Variants in RPS6KB1 observed in about 807,000 individuals in gnomAD.
RPS6KB1 encodes ribosomal protein S6 kinase beta-1.
Under a neutral mutation model 70.2 loss-of-function variants are expected in RPS6KB1, and 12 were observed. That is an observed-to-expected ratio of 0.17 (90% CI 0.11 to 0.28). RPS6KB1 has a LOEUF of 0.28. Among genes scored for constraint, RPS6KB1 ranks in the 10% least tolerant of loss-of-function variants. RPS6KB1 has a pLI of 1.00. For missense variants in RPS6KB1, 270 were observed against 646.6 expected, an observed-to-expected ratio of 0.42 and a Z score of 6.32; for synonymous variants, 175 against 211.2, an observed-to-expected ratio of 0.83 and a Z score of 1.49.
chr17:59,896,201 T>C (rs186929050), intron 1 of RPS6KB1, among the ~76,000 whole-genome samples: 2 of 152,186 alleles, frequency 1.3e-5, no homozygotes, highest in East Asian at 3.9e-4. Context: ...TTTATTTTTT[T>C]TTCTTTTCTG....
At chr17:59,926,697 T>C (rs1482553528) in intron 5 of RPS6KB1, 115 bp downstream of exon 5, 3 of 839,698 alleles carry the variant, frequency 3.6e-6, no homozygotes, top group Non-Finnish European at 5.7e-6. Flanking sequence ...TGCTTAAAAT[T>C]GATGAGTACA....
chr17:59,908,358 A>G (rs534397588), intron 1 of RPS6KB1, among the ~76,000 whole-genome samples: 2 of 151,496 alleles, frequency 1.3e-5, no homozygotes, highest in East Asian at 2.0e-4. Flanking sequence ...ACGCCTGGCT[A>G]ATTTTTGTAT....
rs1241617521 is a variant in RPS6KB1 at position 59,940,907 on chromosome 17, C to T, written c.1191C>T (p.Asp397=). Residue 397 remains aspartate (D), a synonymous_variant, in exon 13 of 15, where the codon GAC becomes GAT. Transcript: ENST00000225577. ...AGACACCTGTCGACAGCCCAGATGA[C>T]TCAACTCTCAGTGAAAGTGCCAATC... ...TRQTPVDSPD[D]STLSESANQV... is the part of the protein sequence containing the mutation. The T allele has an allele frequency of 1.3e-6, 2 of 1,596,714 alleles. No individual in the cohort carries two copies. The highest frequency in any genetic ancestry group is 2.2e-5 in the South Asian group (2 of 91,026).
At chr17:59,943,933 TACAC>T (rs145383951) in intron 13 of RPS6KB1, among the ~76,000 whole-genome samples, 27,366 of 146,912 alleles carry the variant, frequency 0.19, 2,753 homozygotes, top group East Asian at 0.38. Context: ...CACACATACA[TACAC>T]ACACACATAT....
intron 4 of RPS6KB1, among the ~76,000 whole-genome samples, 199 bp downstream of exon 4, chr17:59,914,902 G>C (rs555128705): frequency 6.6e-6 from 1 of 152,280 alleles, no homozygotes; most frequent in East Asian, 1.9e-4. Flanking sequence ...ACTGAGTCAG[G>C]AGGATTGCTT....
intron 2 of RPS6KB1, 81 bp downstream of exon 2, chr17:59,910,692 TG>T (rs2144775141): frequency 2.3e-6 from 2 of 878,900 alleles, no homozygotes; most frequent in African/African-American, 1.7e-5. Flanking sequence ...AGCAATCATG[TG>T]ATTCCTGTAA....
In RPS6KB1 at chr17:59,901,461, TA is replaced by T. The variant is rs77992185; in HGVS notation, c.141+8149del. Among the ~76,000 whole-genome samples, 781 of 137,096 alleles carry T rather than the reference TA, an allele frequency of 5.7e-3. 6 individuals carry two copies. Among genetic ancestry groups the T allele is most frequent in the African/African-American group, 0.015 (570 of 38,190 alleles). The allele number at this position is 137,096 out of a possible 152,430, so 89.9% of individuals were successfully genotyped here. Reference sequence around the variant, plus strand: ...ACCGCGCCTGGCCGAGACTCCATCTTAAAAAAAAAAAAAGGAAATTTTTATC... The same window carrying T: ...ACCGCGCCTGGCCGAGACTCCATCTTAAAAAAAAAAAAGGAAATTTTTATC... On this transcript the variant is annotated intron_variant, in intron 1 of 14. Transcript: ENST00000225577.
At chr17:59,916,855 A>T (rs1050760379) in intron 4 of RPS6KB1, among the ~76,000 whole-genome samples, 5 of 152,164 alleles carry the variant, frequency 3.3e-5, no homozygotes, top group Admixed American at 6.6e-5. Flanking sequence ...TATAATAAAA[A>T]TATATCCATA....
chr17:59,915,491 A>C (rs531223127), intron 4 of RPS6KB1, among the ~76,000 whole-genome samples: 62 of 151,450 alleles, frequency 4.1e-4, no homozygotes, highest in Non-Finnish European at 4.0e-4. Context: ...TTTGAGATGA[A>C]CTCTCACTCT....
chr17:59,909,984 C>G (rs1474389351), intron 1 of RPS6KB1, among the ~76,000 whole-genome samples: 1 of 150,586 alleles, frequency 6.6e-6, no homozygotes, highest in African/African-American at 2.4e-5. Context: ...TGCACTCCAG[C>G]CTGGGCAACA....
chr17:59,904,393 A>G (rs2042139065), intron 1 of RPS6KB1, among the ~76,000 whole-genome samples: 1 of 137,896 alleles, frequency 7.3e-6, no homozygotes. Flanking sequence ...GTAATTCTTT[A>G]TGTATCATTT....
chr17:59,910,600 AC>A lies in RPS6KB1; in HGVS notation c.182del (p.Pro61HisfsTer19). On this transcript the variant is annotated frameshift_variant, in exon 2 of 15. Coordinates refer to ENST00000225577, the MANE Select transcript of RPS6KB1 (RefSeq NM_003161.4). LOFTEE classifies it high-confidence loss of function. ...AAAGCATGGACCATGGGGGAGTTGG[AC>A]CATATGAACTGTAAGTTTATATGAA... is the stretch of plus-strand genomic sequence containing the variant. The part of the protein sequence containing the change: ...NESMDHGGVG[P>X]YELGMEHCEK... 1 of 1,585,106 alleles carries A rather than the reference AC, an allele frequency of 6.3e-7. No individual in the cohort carries two copies. The highest frequency in any genetic ancestry group is 8.6e-7 in the Non-Finnish European group (1 of 1,161,850).
At chr17:59,909,067 C>A (rs931130945) in intron 1 of RPS6KB1, among the ~76,000 whole-genome samples, 2 of 150,720 alleles carry the variant, frequency 1.3e-5, no homozygotes, top group African/African-American at 2.4e-5. Flanking sequence ...GCTGGCATTG[C>A]AGGCATGGGC....
intron 1 of RPS6KB1, among the ~76,000 whole-genome samples, chr17:59,894,813 C>A (rs866473334): frequency 4.6e-5 from 7 of 152,092 alleles, no homozygotes; most frequent in African/African-American, 1.4e-4. Context: ...CCATATTGGC[C>A]AGGCTGTTCT....
chr17:59,904,756 G>C (rs964645893), intron 1 of RPS6KB1, among the ~76,000 whole-genome samples: 1 of 149,370 alleles, frequency 6.7e-6, no homozygotes, highest in African/African-American at 2.5e-5. Flanking sequence ...GAGTGCAGTG[G>C]CGCGATCTCA....
intron 4 of RPS6KB1, among the ~76,000 whole-genome samples, chr17:59,922,551 CTTTT>C (rs71145590): frequency 6.2e-5 from 5 of 80,408 alleles, no homozygotes; most frequent in African/African-American, 1.2e-4. Flanking sequence ...TTTTATACTC[CTTTT>C]TTTTTTTTTT....
At chr17:59,913,305 A>G (rs953289115) in intron 3 of RPS6KB1, among the ~76,000 whole-genome samples, 9 of 152,240 alleles carry the variant, frequency 5.9e-5, no homozygotes, top group Admixed American at 5.2e-4. Context: ...CGTCACTTTT[A>G]TGAGTTCTGC....
intron 13 of RPS6KB1, among the ~76,000 whole-genome samples, chr17:59,944,112 T>G (rs1279324164): frequency 1.3e-5 from 2 of 152,046 alleles, no homozygotes; most frequent in African/African-American, 2.4e-5. Flanking sequence ...CCAGAACGTT[T>G]GTAAAATTAT....
At position 59,900,366 on chromosome 17, in the gene RPS6KB1, T is replaced by C. The variant is rs1598639607; in HGVS notation, c.141+7041T>C. On this transcript the variant is annotated intron_variant, in intron 1 of 14. Transcript: ENST00000225577. Reference sequence around the variant, plus strand: ...ACTTGTAATGTTTTAGAGTCTATTTTCTTTTTCTTTTTTTTTGAGATGGAG... The same window carrying C: ...ACTTGTAATGTTTTAGAGTCTATTTCCTTTTTCTTTTTTTTTGAGATGGAG... Among the ~76,000 whole-genome samples the C allele has an allele frequency of 3.3e-5, 5 of 152,208 alleles. No individual in the cohort carries two copies. The South Asian group carries it at 1.0e-3, about 32-fold the overall frequency.
Sources: allele counts gnomAD v4.1 joint callset (sites outside exome capture counted in the v4.1 genomes callset), GRCh38; gene constraint gnomAD v4.1.1; transcripts MANE v1.5; gene names NCBI Gene and HGNC (gene_info 2026-07-23, HGNC 2026-07-21).